The following MYO16 variants were observed in gnomAD, a reference collection of about 807,000 sequenced individuals.
MYO16 encodes the protein unconventional myosin-XVI.
In MYO16, 94 loss-of-function variants were observed where a neutral mutation model predicts 205.3. The observed-to-expected ratio is 0.46, with a 90% CI of 0.39 to 0.54. MYO16 has a LOEUF of 0.54. MYO16 is among the 20% of genes least tolerant of loss of function. The probability of loss-of-function intolerance (pLI) is 0.00; values close to 1 mark genes in which losing one functional copy is unlikely to be tolerated. For synonymous variants in MYO16, 988 were observed against 954.0 expected, an observed-to-expected ratio of 1.04 and a Z score of -0.66; for missense variants, 2,315 against 2,387.5, an observed-to-expected ratio of 0.97 and a Z score of 0.63.
intron 11 of MYO16, among the ~76,000 whole-genome samples, chr13:108,862,544 G>A (rs1878495908): frequency 2.0e-5 from 3 of 152,156 alleles, no homozygotes; most frequent in Admixed American, 2.0e-4. Context: ...GGTGACCCCA[G>A]GGAGTGGGTG....
At chr13:109,131,340 A>G (rs1187602083) in intron 31 of MYO16, among the ~76,000 whole-genome samples, 1 of 152,198 alleles carries the variant, frequency 6.6e-6, no homozygotes, top group African/African-American at 2.4e-5. Context: ...CTTTGTATTT[A>G]TTCTTGTTCT....
At chr13:109,053,363 G>T (rs531101039) in intron 25 of MYO16, among the ~76,000 whole-genome samples, 1 of 151,958 alleles carries the variant, frequency 6.6e-6, no homozygotes, top group East Asian at 1.9e-4. Flanking sequence ...TAGAATAAAA[G>T]ATCCTTTGAT....
chr13:109,119,387 A>G (rs1189896637), intron 28 of MYO16, among the ~76,000 whole-genome samples: 2 of 152,324 alleles, frequency 1.3e-5, no homozygotes, highest in East Asian at 3.9e-4. Flanking sequence ...ACTTATTGCA[A>G]GTAATACTTT....
chr13:109,131,835 G>A (rs573854664), intron 31 of MYO16, among the ~76,000 whole-genome samples: 1 of 152,290 alleles, frequency 6.6e-6, no homozygotes, highest in East Asian at 1.9e-4. Flanking sequence ...CCCAAAGACG[G>A]TTAACATTCT....
intron 34 of MYO16, among the ~76,000 whole-genome samples, chr13:109,195,904 G>T (rs56788369): frequency 0.036 from 5,448 of 152,116 alleles, 311 homozygotes; most frequent in African/African-American, 0.13. Flanking sequence ...ATGTTTAATT[G>T]GTTCATGCCC....
At chr13:108,728,858 C>A (rs181765198) in intron 4 of MYO16, among the ~76,000 whole-genome samples, 59 of 152,300 alleles carry the variant, frequency 3.9e-4, no homozygotes, top group African/African-American at 1.2e-3. Flanking sequence ...CCTCTTCCCC[C>A]CCTCTTAAAA....
intron 4 of MYO16, among the ~76,000 whole-genome samples, chr13:108,752,808 ATTTTTTT>A (rs58645882): frequency 2.2e-5 from 2 of 90,576 alleles, no homozygotes; most frequent in Non-Finnish European, 4.2e-5. Context: ...TGCCCAGCTA[ATTTTTTT>A]TTTTTTTTTT....
chr13:108,734,343 C>A (rs1884622278), intron 4 of MYO16, among the ~76,000 whole-genome samples: 1 of 152,136 alleles, frequency 6.6e-6, no homozygotes, highest in Non-Finnish European at 1.5e-5. Flanking sequence ...TTTCTATTTA[C>A]CATCCCTTCT....
chr13:108,597,899 G>A (rs1472437241), intron 1 of MYO16, among the ~76,000 whole-genome samples: 1 of 152,130 alleles, frequency 6.6e-6, no homozygotes, highest in Admixed American at 6.6e-5. Flanking sequence ...CTATATGTAT[G>A]TTTAGAAACA....
intron 32 of MYO16, among the ~76,000 whole-genome samples, chr13:109,159,637 G>C (rs369101622): frequency 1.3e-4 from 20 of 152,366 alleles, no homozygotes; most frequent in Non-Finnish European, 2.6e-4. Flanking sequence ...TCTGTGCCAT[G>C]CAGTGAGAAG....
At chr13:108,597,852 T>C (rs1313350032) in intron 1 of MYO16, among the ~76,000 whole-genome samples, 3 of 152,222 alleles carry the variant, frequency 2.0e-5, no homozygotes, top group Non-Finnish European at 4.4e-5. Flanking sequence ...GGTTTCAAGA[T>C]GGAAAACCAA....
intron 23 of MYO16, among the ~76,000 whole-genome samples, chr13:109,041,707 A>C (rs1368566724): frequency 6.6e-6 from 1 of 152,206 alleles, no homozygotes; most frequent in African/African-American, 2.4e-5. Flanking sequence ...AAGAGTACAC[A>C]AGATTTATCT....
rs185186721 is a variant in MYO16 at position 108,845,243 on chromosome 13, A to C, written c.1248+750A>C. ...AACTTTATTAATTTTTGTTATTTCA[A>C]GTAACTAAAGCAGATAAACAAAACA... On this transcript the variant is annotated intron_variant, in intron 10 of 34. Transcript: ENST00000457511. Among the ~76,000 whole-genome samples the C allele has an allele frequency of 6.7e-4, 102 of 152,306 alleles. 1 individual carries two copies. Among genetic ancestry groups the C allele is most frequent in the African/African-American group, 2.5e-3 (102 of 41,576 alleles).
intron 15 of MYO16, among the ~76,000 whole-genome samples, chr13:108,905,531 C>A (rs901594090): frequency 1.3e-5 from 2 of 152,262 alleles, no homozygotes; most frequent in South Asian, 2.1e-4. Context: ...TGGAGTCATT[C>A]TGTTTATCCA....
intron 17 of MYO16, among the ~76,000 whole-genome samples, chr13:108,958,166 A>T (rs2139359004): frequency 6.8e-6 from 1 of 147,828 alleles, no homozygotes; most frequent in East Asian, 1.9e-4. Flanking sequence ...ATATCATTTT[A>T]AAATATTTAA....
At chr13:108,646,094 A>C (rs1169055065) in intron 1 of MYO16, among the ~76,000 whole-genome samples, 1 of 152,180 alleles carries the variant, frequency 6.6e-6, no homozygotes, top group Non-Finnish European at 1.5e-5. Context: ...CTGGTTCCTT[A>C]GTTTGTGATC....
At chr13:108,543,739 T>A in the MYO16 span, among the ~76,000 whole-genome samples, 1 of 79,828 alleles carries the variant, frequency 1.3e-5, no homozygotes, top group Non-Finnish European at 2.2e-5. Context: ...TTCCTTTTTT[T>A]CTTTTTTTTT....
the MYO16 span, among the ~76,000 whole-genome samples, chr13:108,497,672 G>A: frequency 6.6e-6 from 1 of 152,146 alleles, no homozygotes; most frequent in Non-Finnish European, 1.5e-5. Context: ...AAAATGATTT[G>A]TTTTGTATAC....
At chr13:109,139,748 A>G (rs1398592932) in intron 31 of MYO16, among the ~76,000 whole-genome samples, 1 of 152,234 alleles carries the variant, frequency 6.6e-6, no homozygotes, top group African/African-American at 2.4e-5. Flanking sequence ...CTAACAGAAC[A>G]GAAAATTTTA....
Sources: gnomAD v4.1 joint callset for allele counts (sites outside exome capture counted in the v4.1 genomes callset) on GRCh38, gnomAD v4.1.1 for gene constraint, MANE v1.5 for transcripts, NCBI Gene and HGNC (gene_info 2026-07-23, HGNC 2026-07-21) for gene names.